The following FBN1 variants were observed in gnomAD, a reference collection of about 807,000 sequenced individuals.
FBN1 encodes the protein fibrillin-1.
Under a neutral mutation model 365.1 loss-of-function variants are expected in FBN1, and 29 were observed. The observed-to-expected ratio is 0.08, with a 90% CI of 0.06 to 0.11. The LOEUF (loss-of-function observed/expected upper bound fraction) is 0.11. FBN1 is among the 10% of genes least tolerant of loss of function. FBN1 has a pLI of 1.00. For missense variants in FBN1, 2,476 were observed against 3,703.2 expected (o/e 0.67, Z 8.60); for synonymous variants, 1,210 against 1,270.5 (o/e 0.95, Z 1.01).
chr15:48,476,402 T>C (rs907648175), intron 32 of FBN1, among the ~76,000 whole-genome samples: 1 of 152,184 alleles, frequency 6.6e-6, no homozygotes, highest in Admixed American at 6.5e-5. Context: ...CCAGATGTTA[T>C]AGAATCAAGG....
chr15:48,520,303 T>C (rs1327128577), intron 10 of FBN1, among the ~76,000 whole-genome samples: 2 of 152,048 alleles, frequency 1.3e-5, no homozygotes, highest in South Asian at 2.1e-4. Flanking sequence ...GAAATGTGTC[T>C]CCTGAACAAC....
At chr15:48,605,737 T>C (rs2044602643) in intron 4 of FBN1, among the ~76,000 whole-genome samples, 1 of 152,102 alleles carries the variant, frequency 6.6e-6, no homozygotes, top group East Asian at 1.9e-4. Context: ...TAGTGGGGCA[T>C]GGTGGTGTGC....
intron 53 of FBN1, among the ~76,000 whole-genome samples, chr15:48,435,083 C>T (rs1323727624): frequency 6.6e-6 from 1 of 151,636 alleles, no homozygotes; most frequent in Non-Finnish European, 1.5e-5. Context: ...AGGTGTGAGC[C>T]ACCAAGCCCA....
In FBN1 at chr15:48,417,428, C is replaced by CCCT. The variant is rs1312225606; in HGVS notation, c.7820-1664_7820-1662dup. Reference sequence around the variant, plus strand: ...TCCCTTTCTTCCTTCCTTCCTTCCCCCCTCCCCTCCCCTCCCTCCTTTCCT... The same window carrying CCCT: ...TCCCTTTCTTCCTTCCTTCCTTCCCCCCTCCTCCCCTCCCCTCCCTCCTTTCCT... On this transcript the variant is annotated intron_variant, in intron 63 of 65. Coordinates refer to ENST00000316623, the MANE Select transcript of FBN1 (RefSeq NM_000138.5). Among the ~76,000 whole-genome samples the CCCT allele has an allele frequency of 7.4e-3, 841 of 114,300 alleles. 15 individuals carry two copies. Among genetic ancestry groups the CCCT allele is most frequent in the African/African-American group, 0.03 (821 of 27,648 alleles). 75.0% of individuals were successfully genotyped at this position (114,300 alleles called of 152,430 possible). A position where few individuals can be genotyped will look rare whatever the true frequency, so the allele number is the denominator to read the frequency against.
chr15:48,421,470 T>C (rs2042940648), intron 62 of FBN1, 88 bp downstream of exon 62: 2 of 1,509,058 alleles, frequency 1.3e-6, no homozygotes, highest in African/African-American at 1.4e-5. Context: ...TGCTATCTCA[T>C]AGAGGCTGAT....
chr15:48,476,504 G>C (rs1053599081), intron 32 of FBN1, among the ~76,000 whole-genome samples: 1 of 152,116 alleles, frequency 6.6e-6, no homozygotes, highest in African/African-American at 2.4e-5. Context: ...AAGTCAGTGA[G>C]GGGCAGAGCC....
chr15:48,554,754 C>T (rs2044167002), intron 6 of FBN1, among the ~76,000 whole-genome samples: 1 of 152,186 alleles, frequency 6.6e-6, no homozygotes, highest in African/African-American at 2.4e-5. Context: ...TACACACATA[C>T]ACATTATATC....
intron 2 of FBN1, among the ~76,000 whole-genome samples, chr15:48,619,285 G>T (rs900181855): frequency 5.3e-5 from 8 of 152,064 alleles, no homozygotes; most frequent in Admixed American, 2.0e-4. Flanking sequence ...TGCAGTTTGG[G>T]ATTTTTTTTT....
At chr15:48,617,009 C>G (rs539391491) in intron 2 of FBN1, among the ~76,000 whole-genome samples, 1 of 152,184 alleles carries the variant, frequency 6.6e-6, no homozygotes, top group South Asian at 2.1e-4. Flanking sequence ...CCTCCTGATT[C>G]TAGAGTACGC....
chr15:48,428,162 T>C, intron 57 of FBN1, 184 bp downstream of exon 57: 1 of 753,276 alleles, frequency 1.3e-6, no homozygotes, highest in Non-Finnish European at 2.2e-6. Context: ...AAGGAAGAAT[T>C]TAGCTGCAGG....
chr15:48,433,738 C>T (rs1006797839), intron 54 of FBN1, among the ~76,000 whole-genome samples: 1 of 152,180 alleles, frequency 6.6e-6, no homozygotes, highest in Admixed American at 6.5e-5. Context: ...GAGTGAGAGC[C>T]CAGATCATGA....
chr15:48,568,198 A>T (rs1456260146), intron 6 of FBN1, among the ~76,000 whole-genome samples: 1 of 151,720 alleles, frequency 6.6e-6, no homozygotes. Context: ...GTATACAAAG[A>T]GCAGTCATAG....
At position 48,411,343 on chromosome 15, in the gene FBN1, T is replaced by C. The variant is rs2141210090; in HGVS notation, c.8263A>G (p.Ser2755Gly). Residue 2755 changes from serine to glycine, a missense_variant, in exon 66 of 66, where the codon AGT (serine) becomes GGT (glycine). Around this residue, in one of 5 missense-constraint regions of FBN1, gnomAD observed 177 missense variants for 192.7 expected, o/e 0.92. Transcript: ENST00000316623. Reference protein sequence around the residue: ...SETEANVSLASWDVEKTAIFA... With the variant: ...SETEANVSLAGWDVEKTAIFA... ...ATGGCTGTCTTCTCAACATCCCAAC[T>C]TGCAAGACTCACATTGGCTTCTGTC... The C allele has an allele frequency of 1.2e-6, 2 of 1,614,138 alleles. No individual in the cohort carries two copies. Among genetic ancestry groups the C allele is most frequent in the Non-Finnish European group, 1.7e-6 (2 of 1,180,008 alleles).
chr15:48,510,711 C>CT (rs763630771), intron 13 of FBN1, among the ~76,000 whole-genome samples: 8 of 152,140 alleles, frequency 5.3e-5, no homozygotes, highest in Non-Finnish European at 1.2e-4. Context: ...TAAAAAACAA[C>CT]TTTATGAGTA....
rs1196492519 is a variant in FBN1, at chr15:48,492,603, A to G, written c.2729-17T>C. ...CATCTATATCTAAAAAGAAAAAAAA[A>G]GTATAAAGTTAATATATCTTTATAA... is the stretch of plus-strand genomic sequence containing the variant. On this transcript the variant is annotated splice_polypyrimidine_tract_variant and intron_variant, in intron 23 of 65. Transcript: ENST00000316623. The G allele has an allele frequency of 6.6e-7, 1 of 1,525,062 alleles. No homozygotes were observed. 94.5% of individuals were successfully genotyped at this position (1,525,062 alleles called of 1,614,324 possible).
At chr15:48,537,985 A>C (rs1477451810) in intron 6 of FBN1, among the ~76,000 whole-genome samples, 177 bp from the exon 7 acceptor site, 1 of 152,174 alleles carries the variant, frequency 6.6e-6, no homozygotes, top group Non-Finnish European at 1.5e-5. Context: ...TCTGAACCCG[A>C]TTTCCTAACC....
intron 17 of FBN1, among the ~76,000 whole-genome samples, chr15:48,503,126 C>T (rs963690346): frequency 1.5e-4 from 23 of 151,840 alleles, no homozygotes; most frequent in African/African-American, 5.1e-4. Flanking sequence ...GGTGAAACCT[C>T]GTCTCTACTA....
intron 6 of FBN1, among the ~76,000 whole-genome samples, chr15:48,551,752 T>A (rs764685977): frequency 2.6e-5 from 4 of 152,170 alleles, no homozygotes; most frequent in Non-Finnish European, 5.9e-5. Flanking sequence ...TTCCCACTTA[T>A]AAGTAAGAAT....
intron 6 of FBN1, among the ~76,000 whole-genome samples, chr15:48,585,437 T>C (rs999986732): frequency 1.2e-4 from 19 of 152,196 alleles, no homozygotes; most frequent in African/African-American, 4.3e-4. Flanking sequence ...CCTACAATAT[T>C]TCAGTTATAA....
Sources: gnomAD v4.1 joint callset for allele counts (sites outside exome capture counted in the v4.1 genomes callset) on GRCh38, gnomAD v4.1.1 for gene constraint, gnomAD v4.1.1 regional missense constraint, MANE v1.5 for transcripts, NCBI Gene and HGNC (gene_info 2026-07-23, HGNC 2026-07-21) for gene names.